OSBPL8: variants seen among roughly 807,000 people sequenced by gnomAD.
OSBPL8 encodes the protein oxysterol binding protein like 8, also known as oxysterol-binding protein-related protein 8.
Under a neutral mutation model 125.5 loss-of-function variants are expected in OSBPL8, and 59 were observed. That is an observed-to-expected ratio of 0.47 (90% CI 0.38 to 0.58). The LOEUF is 0.58. Among genes scored for constraint, OSBPL8 ranks in the 20% least tolerant of loss-of-function variants. The probability of loss-of-function intolerance (pLI) is 0.00; values close to 1 mark genes in which losing one functional copy is unlikely to be tolerated. For missense variants in OSBPL8, 758 were observed against 1,047.8 expected (o/e 0.72, Z 3.82); for synonymous variants, 330 against 338.9 (o/e 0.97, Z 0.29).
intron 2 of OSBPL8, among the ~76,000 whole-genome samples, chr12:76,471,588 G>A (rs1037765040): frequency 1.3e-5 from 2 of 152,038 alleles, no homozygotes; most frequent in Non-Finnish European, 1.5e-5. Flanking sequence ...CTTCCATACC[G>A]ATATCATAGA....
Position 76,532,753 on chromosome 12 carries a change from GTC to G in OSBPL8, c.-68+26642_-68+26643del, listed in dbSNP as rs1044524076. 1.3e-4 allele frequency among the ~76,000 whole-genome samples: 19 copies of G among 151,104 alleles called. No individual in the cohort carries two copies. The East Asian group carries it at 3.1e-3, about 25-fold the overall frequency. The stretch of plus-strand genomic sequence containing the variant: ...GAGCCAGACCAATCAGTCCATGCCT[GTC>G]TCTCTCTCTCTGATAAATGTGAATC... On this transcript the variant is annotated intron_variant, in intron 1 of 23. Coordinates refer to ENST00000261183, the MANE Select transcript of OSBPL8 (RefSeq NM_020841.5).
At chr12:76,503,070 T>C (rs1212166522) in intron 1 of OSBPL8, among the ~76,000 whole-genome samples, 1 of 152,204 alleles carries the variant, frequency 6.6e-6, no homozygotes, top group Non-Finnish European at 1.5e-5. Context: ...GGGGAAAAAG[T>C]ACATTTTACG....
chr12:76,382,502 A>G (rs1273804376), intron 15 of OSBPL8, among the ~76,000 whole-genome samples: 1 of 152,162 alleles, frequency 6.6e-6, no homozygotes, highest in African/African-American at 2.4e-5. Flanking sequence ...GGATCTCCCA[A>G]CTGTGAGAAC....
Position 76,554,970 on chromosome 12 carries a change from A to T in OSBPL8, c.-68+4427T>A, listed in dbSNP as rs575612694. Among the ~76,000 whole-genome samples, 3 of 152,330 alleles carry T rather than the reference A, an allele frequency of 2.0e-5. No individual in the cohort carries two copies. The South Asian group carries it at 6.2e-4, about 32-fold the overall frequency. ...CAAAAACACTACAAAGAGTTCACAA[A>T]GTATAATGAAATTCTGAGATTCATA... is the stretch of plus-strand genomic sequence containing the variant. On this transcript the variant is annotated intron_variant, in intron 1 of 23. Coordinates refer to ENST00000261183, the MANE Select transcript of OSBPL8 (RefSeq NM_020841.5).
intron 4 of OSBPL8, among the ~76,000 whole-genome samples, chr12:76,434,021 A>G (rs1228395343): frequency 6.6e-6 from 1 of 151,950 alleles, no homozygotes; most frequent in East Asian, 1.9e-4. Context: ...ATGAAATCAC[A>G]AAGACCCAGA....
chr12:76,449,369 T>C (rs1409267443), intron 4 of OSBPL8, among the ~76,000 whole-genome samples: 1 of 152,238 alleles, frequency 6.6e-6, no homozygotes, highest in Non-Finnish European at 1.5e-5. Flanking sequence ...TTAGAAACTG[T>C]GATCCCTGAA....
chr12:76,520,736 A>G (rs1881993969), intron 1 of OSBPL8, among the ~76,000 whole-genome samples: 1 of 152,210 alleles, frequency 6.6e-6, no homozygotes, highest in Non-Finnish European at 1.5e-5. Flanking sequence ...GGGGAAAGAA[A>G]GGTGTGACAA....
intron 2 of OSBPL8, among the ~76,000 whole-genome samples, chr12:76,479,894 C>A (rs899631086): frequency 6.6e-6 from 1 of 151,984 alleles, no homozygotes; most frequent in Non-Finnish European, 1.5e-5. Context: ...AGGCCGGGCG[C>A]GGTGGCTCAT....
chr12:76,482,459 C>T (rs1346898905), intron 2 of OSBPL8, among the ~76,000 whole-genome samples: 3 of 151,992 alleles, frequency 2.0e-5, no homozygotes, highest in African/African-American at 7.2e-5. Flanking sequence ...ACTAAAAATA[C>T]AAAATTAGCC....
At chr12:76,493,515 T>A (rs1878954945) in intron 1 of OSBPL8, among the ~76,000 whole-genome samples, 1 of 152,194 alleles carries the variant, frequency 6.6e-6, no homozygotes, top group Non-Finnish European at 1.5e-5. Context: ...GGTTTACAAT[T>A]TTTTTCTTTC....
chr12:76,505,837 C>A (rs905716049), intron 1 of OSBPL8, among the ~76,000 whole-genome samples: 1 of 152,144 alleles, frequency 6.6e-6, no homozygotes, highest in African/African-American at 2.4e-5. Flanking sequence ...CTGCAAATCA[C>A]GGAGACCTCA....
chr12:76,388,176 A>AG (rs1953399548), intron 12 of OSBPL8, among the ~76,000 whole-genome samples: 1 of 152,308 alleles, frequency 6.6e-6, no homozygotes, highest in Non-Finnish European at 1.5e-5. Flanking sequence ...CACTGGAGTT[A>AG]TATCTAATGT....
intron 20 of OSBPL8, 29 bp from the exon 21 acceptor site, chr12:76,369,330 T>G: frequency 4.5e-6 from 7 of 1,565,374 alleles, no homozygotes; most frequent in Non-Finnish European, 6.0e-6. Context: ...AAAAAACCAT[T>G]TGCTCAATGA....
At chr12:76,487,682 T>C (rs1285105538) in intron 1 of OSBPL8, 64 bp from the exon 2 acceptor site, 21 of 576,912 alleles carry the variant, frequency 3.6e-5, no homozygotes, top group Admixed American at 1.3e-4. Flanking sequence ...AAATAAAGCA[T>C]TGAGTTTGTT....
intron 1 of OSBPL8, among the ~76,000 whole-genome samples, chr12:76,528,234 T>A (rs917946212): frequency 2.0e-5 from 3 of 151,540 alleles, no homozygotes; most frequent in South Asian, 2.1e-4. Context: ...GGCAGGAGAA[T>A]TGCTTGAACT....
In OSBPL8 at chr12:76,358,875, A is replaced by G. The variant is rs1381704967; in HGVS notation, c.2329-64T>C. ...ATTTTGGACTAAAGACCAACTGTGT[A>G]CAATTGTCAAAATTATCTGCACATA... On this transcript the variant is annotated intron_variant, in intron 21 of 23. Coordinates refer to ENST00000261183, the MANE Select transcript of OSBPL8 (RefSeq NM_020841.5). 4.9e-6 allele frequency: 6 copies of G among 1,233,578 alleles called. No individual in the cohort carries two copies. The Admixed American group carries it at 8.9e-5, about 18-fold the overall frequency. 76.4% of individuals were successfully genotyped at this position (1,233,578 alleles called of 1,614,324 possible). A position where few individuals can be genotyped will look rare whatever the true frequency, so the allele number is the denominator to read the frequency against.
rs532433921 is a variant in OSBPL8, at chr12:76,478,828, G to C, written c.42+8682C>G. Among the ~76,000 whole-genome samples, 4 of 152,286 alleles carry C rather than the reference G, an allele frequency of 2.6e-5. No homozygotes were observed. In the East Asian group the frequency reaches 7.7e-4, roughly 29 times the overall value. On this transcript the variant is annotated intron_variant, in intron 2 of 23. Transcript: ENST00000261183. ...AGGCCGGGCACAGTGGCTCACACCT[G>C]TAATCCCAGCACTTTGGGAGGCCGA...
intron 9 of OSBPL8, among the ~76,000 whole-genome samples, chr12:76,393,174 T>C (rs1191067292): frequency 6.6e-6 from 1 of 152,218 alleles, no homozygotes; most frequent in Admixed American, 6.5e-5. Context: ...TCTACTTGTA[T>C]GTATGAAACT....
At chr12:76,503,146 T>G (rs528213614) in intron 1 of OSBPL8, among the ~76,000 whole-genome samples, 5 of 152,364 alleles carry the variant, frequency 3.3e-5, no homozygotes, top group Admixed American at 2.6e-4. Context: ...GATTAACTAT[T>G]GTATTAATTT....
Sources: gnomAD v4.1 joint callset for allele counts (sites outside exome capture counted in the v4.1 genomes callset) on GRCh38, gnomAD v4.1.1 for gene constraint, MANE v1.5 for transcripts, NCBI Gene and HGNC (gene_info 2026-07-23, HGNC 2026-07-21) for gene names.